The following FMNL3 variants were observed in gnomAD, a reference collection of about 807,000 sequenced individuals.
FMNL3 encodes formin like 3.
FMNL3 carries 57 observed loss-of-function variants against 119.6 expected under a neutral mutation model. The observed-to-expected ratio is 0.48, with a 90% CI of 0.39 to 0.59. FMNL3 has a LOEUF of 0.59. Among genes scored for constraint, FMNL3 ranks in the 20% least tolerant of loss-of-function variants. FMNL3 has a pLI of 0.00. For missense variants in FMNL3, 1,053 were observed against 1,323.5 expected, an observed-to-expected ratio of 0.80 and a Z score of 3.17; for synonymous variants, 491 against 507.3, an observed-to-expected ratio of 0.97 and a Z score of 0.43.
chr12:49,698,404 GC>G (rs1338835015), intron 1 of FMNL3, among the ~76,000 whole-genome samples: 13 of 152,030 alleles, frequency 8.6e-5, no homozygotes, highest in African/African-American at 2.9e-4. Context: ...AATTCTGCTA[GC>G]CCCTCGTGGT....
chr12:49,653,854 G>A lies in FMNL3; in HGVS notation c.1092C>T (p.Ser364=), dbSNP rs769068021. ...EFLQKSRHTE[S]EKLQVQIQAY... is the part of the protein sequence containing the mutation. ...CCTGAATCTGCACCTGCAGCTTCTC[G>A]CTCTCTGTGTGCCTTGACTTCTGGG... Residue 364 remains serine (S), a synonymous_variant, in exon 12 of 26, where the codon AGC becomes AGT. Coordinates refer to ENST00000335154, the MANE Select transcript of FMNL3 (RefSeq NM_175736.5). 13 of 1,614,024 alleles carry A rather than the reference G, an allele frequency of 8.1e-6. No individual in the cohort carries two copies. Among genetic ancestry groups the A allele is most frequent in the Admixed American group, 6.7e-5 (4 of 60,004 alleles).
chr12:49,700,714 C>CAA (rs59073094), intron 1 of FMNL3, among the ~76,000 whole-genome samples: 18 of 63,964 alleles, frequency 2.8e-4, no homozygotes, highest in East Asian at 1.1e-3. Context: ...GACTCCACCT[C>CAA]AAAAAAAAAA....
At chr12:49,688,049 ATAGT>A (rs1335358447) in intron 1 of FMNL3, among the ~76,000 whole-genome samples, 1 of 152,232 alleles carries the variant, frequency 6.6e-6, no homozygotes, top group Non-Finnish European at 1.5e-5. Flanking sequence ...CCACTCAGCT[ATAGT>A]TATAGGTCAC....
In FMNL3 at chr12:49,642,015, C is replaced by T; in HGVS notation, c.*3800G>A. The T allele has an allele frequency of 6.2e-7, 1 of 1,612,820 alleles. No homozygotes were observed. ...TGGACGCAGGCAACATCAAGCTGACCTTCAATAGTGTGAGGGGCTGGGCGG... is the reference window on the plus strand; with the variant it reads ...TGGACGCAGGCAACATCAAGCTGACTTTCAATAGTGTGAGGGGCTGGGCGG... On this transcript the variant is annotated 3_prime_UTR_variant, in exon 26 of 26. Transcript: ENST00000335154. This position sits in a 1 kb window ranked among gnomAD's most constrained non-coding sequence, Gnocchi z 5.8.
rs781286595 is a variant in FMNL3 at position 49,643,821 on chromosome 12, A to G, written c.*1994T>C. On this transcript the variant is annotated 3_prime_UTR_variant, in exon 26 of 26. Transcript: ENST00000335154. ...TTCTGTTCTACCTGCCTCCCAGGCT[A>G]TCCACAGGAACTGAGGAGGTGGGCT... 8 of 1,613,848 alleles carry G rather than the reference A, an allele frequency of 5.0e-6. No homozygotes were observed. The African/African-American group carries it at 5.3e-5, about 11-fold the overall frequency.
intron 12 of FMNL3, 127 bp from the exon 13 acceptor site, chr12:49,653,454 G>A: frequency 1.0e-6 from 1 of 992,268 alleles, no homozygotes; most frequent in Non-Finnish European, 1.6e-6. Flanking sequence ...TAGTCAGGTG[G>A]TTCCCTTATA....
intron 1 of FMNL3, among the ~76,000 whole-genome samples, chr12:49,699,654 T>C (rs990449175): frequency 4.6e-5 from 7 of 152,262 alleles, no homozygotes; most frequent in African/African-American, 7.2e-5. Context: ...CAGTTACATA[T>C]GCTTTTATAC....
At chr12:49,668,599 C>A (rs1050522673) in intron 1 of FMNL3, 45 bp from the exon 2 acceptor site, 1 of 1,573,260 alleles carries the variant, frequency 6.4e-7, no homozygotes, top group South Asian at 1.1e-5. Context: ...CTCCCCTCAT[C>A]TGGAAAAGAG....
Position 49,649,022 on chromosome 12 carries a change from T to C in FMNL3, c.2515+7A>G, listed in dbSNP as rs370377083. On this transcript the variant is annotated splice_region_variant and intron_variant, in intron 21 of 25. Transcript: ENST00000335154. The surrounding 1 kb of genome is among the most constrained non-coding windows in gnomAD (Gnocchi z 5.6). ...AGGGCAGGCCCACCCAGCCAGGCTCTCCTCACCTGCTGCAGCCTTCTCAAC... is the reference window on the plus strand; with the variant it reads ...AGGGCAGGCCCACCCAGCCAGGCTCCCCTCACCTGCTGCAGCCTTCTCAAC... The C allele has an allele frequency of 6.3e-7, 1 of 1,583,176 alleles. No individual in the cohort carries two copies. Among genetic ancestry groups the C allele is most frequent in the African/African-American group, 1.3e-5 (1 of 74,542 alleles).
chr12:49,649,642 A>T lies in FMNL3; in HGVS notation c.2235+49T>A. 1 of 1,610,926 alleles carries T rather than the reference A, an allele frequency of 6.2e-7. No homozygotes were observed. Among genetic ancestry groups the T allele is most frequent in the Non-Finnish European group, 8.5e-7 (1 of 1,177,220 alleles). On this transcript the variant is annotated intron_variant, in intron 18 of 25. Transcript: ENST00000335154. The surrounding 1 kb of genome is among the most constrained non-coding windows in gnomAD (Gnocchi z 5.6). ...GGCAGGGGAGGTGACTAGCAGATGG[A>T]GGGTGGAGGGACAGCTGTCCAGAGC...
chr12:49,686,578 CAAAAAAAAAAA>C lies in FMNL3; in HGVS notation c.127-18035_127-18025del, dbSNP rs746062262. Among the ~76,000 whole-genome samples, 4 of 61,902 alleles carry C rather than the reference CAAAAAAAAAAA, an allele frequency of 6.5e-5. No homozygotes were observed. The South Asian group carries it at 1.7e-3, about 26-fold the overall frequency. 40.6% of individuals were successfully genotyped at this position (61,902 alleles called of 152,430 possible). Reference sequence around the variant, plus strand: ...GGGCGACAGAGCGAGACTTCATCTCCAAAAAAAAAAAAAAAAAAAAAAGTATTGAGCACCTT... The same window carrying C: ...GGGCGACAGAGCGAGACTTCATCTCCAAAAAAAAAAAGTATTGAGCACCTT... On this transcript the variant is annotated intron_variant, in intron 1 of 25. Coordinates refer to ENST00000335154, the MANE Select transcript of FMNL3 (RefSeq NM_175736.5).
rs371541996 is a variant in FMNL3 at position 49,652,048 on chromosome 12, C to G, written c.1488G>C (p.Glu496Asp). ...GGTCCAGGTCGGAGGGTGGCATGCC[C>G]TCACTCAGCTCTGCAGGGCCTACTC... ...LARVGPAELS[E>D]GMPPSDLDLL... Residue 496 changes from glutamate to aspartate, a missense_variant, in exon 14 of 26, where the codon GAG (glutamate) becomes GAC (aspartate). Physicochemically the swap from Glu to Asp is conservative, Grantham distance 45 (BLOSUM62 2). Transcript: ENST00000335154. The G allele has an allele frequency of 4.7e-5, 76 of 1,610,786 alleles. No homozygotes were observed. The Middle Eastern group carries it at 1.2e-3, about 24-fold the overall frequency.
At chr12:49,692,147 G>A (rs1008304511) in intron 1 of FMNL3, among the ~76,000 whole-genome samples, 1 of 151,048 alleles carries the variant, frequency 6.6e-6, no homozygotes, top group African/African-American at 2.4e-5. Context: ...GAGCCCATGA[G>A]TTCAAGAACA....
intron 4 of FMNL3, among the ~76,000 whole-genome samples, chr12:49,665,416 A>C (rs1471472693): frequency 6.6e-6 from 1 of 152,174 alleles, no homozygotes; most frequent in East Asian, 1.9e-4. Context: ...ACTTCCAGGC[A>C]CCAAAAAGTC....
At chr12:49,655,198 G>A (rs1352855253) in intron 9 of FMNL3, among the ~76,000 whole-genome samples, 2 of 152,188 alleles carry the variant, frequency 1.3e-5, no homozygotes, top group African/African-American at 4.8e-5. Flanking sequence ...TTGGGAGGCC[G>A]AGATGGGCAC....
Position 49,647,146 on chromosome 12 carries a change from T to C in FMNL3, c.2871+130A>G. ...CCCAAAGGCCCTCCCTCCATCCCTCTGGATGCCAGCCCACTGGCCCTCTGG... is the reference window on the plus strand; with the variant it reads ...CCCAAAGGCCCTCCCTCCATCCCTCCGGATGCCAGCCCACTGGCCCTCTGG... On this transcript the variant is annotated intron_variant, in intron 24 of 25. Coordinates refer to ENST00000335154, the MANE Select transcript of FMNL3 (RefSeq NM_175736.5). This position sits in a 1 kb window ranked among gnomAD's most constrained non-coding sequence, Gnocchi z 4.9. 1 of 1,552,828 alleles carries C rather than the reference T, an allele frequency of 6.4e-7. No homozygotes were observed.
Position 49,650,883 on chromosome 12 carries a change from C to A in FMNL3, c.1798-5G>T, listed in dbSNP as rs769953563. 6.2e-7 allele frequency: 1 copy of A among 1,614,112 alleles called. No individual in the cohort carries two copies. Among genetic ancestry groups the A allele is most frequent in the Admixed American group, 1.7e-5 (1 of 60,026 alleles). ...AAACTTATCAAGATCCAGGTCCTGG[C>A]AGGAATAGGTGAGCAAGGAAAACGC... On this transcript the variant is annotated splice_polypyrimidine_tract_variant and splice_region_variant and intron_variant, in intron 16 of 25. Coordinates refer to ENST00000335154, the MANE Select transcript of FMNL3 (RefSeq NM_175736.5).
intron 1 of FMNL3, among the ~76,000 whole-genome samples, chr12:49,700,391 CAA>C (rs11456820): frequency 5.3e-5 from 3 of 56,408 alleles, no homozygotes; most frequent in Non-Finnish European, 3.7e-5. Context: ...GAATCCGTCT[CAA>C]AAAAAAAAAA....
Position 49,643,101 on chromosome 12 carries a change from C to A in FMNL3, c.*2714G>T. 4.4e-6 allele frequency: 7 copies of A among 1,587,068 alleles called. No individual in the cohort carries two copies. Among genetic ancestry groups the A allele is most frequent in the Non-Finnish European group, 6.0e-6 (7 of 1,158,072 alleles). On this transcript the variant is annotated 3_prime_UTR_variant, in exon 26 of 26. Coordinates refer to ENST00000335154, the MANE Select transcript of FMNL3 (RefSeq NM_175736.5). Reference sequence around the variant, plus strand: ...CTTTGTTTTCCCCTTACAATATCTCCCTTGGAGGGAAGTTTGAGGATTCCT... The same window carrying A: ...CTTTGTTTTCCCCTTACAATATCTCACTTGGAGGGAAGTTTGAGGATTCCT...
Sources: gnomAD v4.1 joint callset for allele counts (sites outside exome capture counted in the v4.1 genomes callset) on GRCh38, gnomAD v4.1.1 for gene constraint, Gnocchi (gnomAD v3.1) non-coding constraint, MANE v1.5 for transcripts, NCBI Gene and HGNC (gene_info 2026-07-23, HGNC 2026-07-21) for gene names.